RPH3A: variants seen among roughly 807,000 people sequenced by gnomAD.
RPH3A encodes the protein rabphilin-3A.
In RPH3A, 48 loss-of-function variants were observed where a neutral mutation model predicts 102.2. The ratio of observed to expected loss-of-function variants is 0.47; its 90% CI spans 0.37 to 0.60. The LOEUF (loss-of-function observed/expected upper bound fraction) is 0.60, where lower values mean the gene tolerates loss of function less well. RPH3A is among the 20% of genes least tolerant of loss of function. The pLI is 0.00. For missense variants in RPH3A, 781 were observed against 910.1 expected, an observed-to-expected ratio of 0.86 and a Z score of 1.83; for synonymous variants, 310 against 324.3, an observed-to-expected ratio of 0.96 and a Z score of 0.47.
intron 1 of RPH3A, among the ~76,000 whole-genome samples, chr12:112,666,575 A>G (rs866708174): frequency 1.2e-4 from 18 of 152,176 alleles, no homozygotes; most frequent in African/African-American, 4.1e-4. Context: ...AATAAGCGGC[A>G]GGAAGACTTT....
In RPH3A at chr12:112,898,251, G is replaced by A. The variant is rs942560628; in HGVS notation, c.*1471G>A. On this transcript the variant is annotated 3_prime_UTR_variant, in exon 22 of 22. Coordinates refer to ENST00000389385, the MANE Select transcript of RPH3A (RefSeq NM_001143854.2). ...TTATAAAGGAGGAAAAGGCAATGTGGGCAAACATTACAAATTTGAGGTTGA... is the reference window on the plus strand; with the variant it reads ...TTATAAAGGAGGAAAAGGCAATGTGAGCAAACATTACAAATTTGAGGTTGA... 2 of 152,144 alleles carry A rather than the reference G, an allele frequency of 1.3e-5. No homozygotes were observed. The highest frequency in any genetic ancestry group is 4.8e-5 in the African/African-American group (2 of 41,424). The allele number at this position is 152,144 out of a possible 1,614,324, so 9.4% of individuals were successfully genotyped here. A position where few individuals can be genotyped will look rare whatever the true frequency, so the allele number is the denominator to read the frequency against.
intron 2 of RPH3A, among the ~76,000 whole-genome samples, chr12:112,819,503 T>A (rs1455371333): frequency 6.6e-6 from 1 of 152,224 alleles, no homozygotes; most frequent in Non-Finnish European, 1.5e-5. Flanking sequence ...ATCCCAGTGC[T>A]CTGGGTCTGA....
chr12:112,772,805 G>A (rs1592990898), intron 1 of RPH3A, among the ~76,000 whole-genome samples: 2 of 151,988 alleles, frequency 1.3e-5, no homozygotes, highest in East Asian at 3.9e-4. Context: ...TTCTTTAGTG[G>A]TGATTTGTGA....
At chr12:112,776,553 G>A (rs1480297982) in intron 1 of RPH3A, among the ~76,000 whole-genome samples, 1 of 151,602 alleles carries the variant, frequency 6.6e-6, no homozygotes, top group Non-Finnish European at 1.5e-5. Context: ...GCAGGGATGA[G>A]AGAGAGAGAG....
At chr12:112,798,558 G>T (rs769600153) in intron 2 of RPH3A, among the ~76,000 whole-genome samples, 4 of 152,224 alleles carry the variant, frequency 2.6e-5, no homozygotes, top group Non-Finnish European at 5.9e-5. Flanking sequence ...AGAGAAGAGA[G>T]ATGGTTTCTC....
chr12:112,720,124 T>C (rs1644961269), intron 1 of RPH3A, among the ~76,000 whole-genome samples: 1 of 152,242 alleles, frequency 6.6e-6, no homozygotes, highest in African/African-American at 2.4e-5. Flanking sequence ...AAGTTTGAGA[T>C]TGACAACTGT....
At chr12:112,695,096 G>A (rs74647838) in intron 1 of RPH3A, 3,772 of 170,458 alleles carry the variant, frequency 0.022, 160 homozygotes, top group African/African-American at 0.085. Context: ...GCATAAGTAT[G>A]TCCCAAATAT....
chr12:112,824,070 C>T (rs908228849), intron 2 of RPH3A, among the ~76,000 whole-genome samples: 1 of 152,164 alleles, frequency 6.6e-6, no homozygotes, highest in African/African-American at 2.4e-5. Context: ...CATTCTTGTA[C>T]TAGTGATGGA....
intron 1 of RPH3A, among the ~76,000 whole-genome samples, chr12:112,582,307 G>A (rs1174869126): frequency 6.8e-6 from 1 of 147,068 alleles, no homozygotes; most frequent in African/African-American, 2.5e-5. Flanking sequence ...GTGCAGTGGT[G>A]CAATTGTAGC....
intron 1 of RPH3A, among the ~76,000 whole-genome samples, chr12:112,620,763 C>G (rs1047291125): frequency 6.6e-6 from 1 of 152,174 alleles, no homozygotes; most frequent in Non-Finnish European, 1.5e-5. Flanking sequence ...TAACTGGCCA[C>G]TCCATCCTTC....
chr12:112,879,374 C>T (rs2042866105), intron 14 of RPH3A, among the ~76,000 whole-genome samples, 176 bp downstream of exon 14: 1 of 152,238 alleles, frequency 6.6e-6, no homozygotes, highest in South Asian at 2.1e-4. Context: ...GGCCTTCCTC[C>T]TCCAGGGATC....
At chr12:112,582,459 T>A (rs1001283135) in intron 1 of RPH3A, among the ~76,000 whole-genome samples, 1 of 146,566 alleles carries the variant, frequency 6.8e-6, no homozygotes, top group Non-Finnish European at 1.5e-5. Context: ...AAATATATAT[T>A]TTTTTGAGAC....
intron 1 of RPH3A, among the ~76,000 whole-genome samples, chr12:112,720,236 T>C (rs2040541933): frequency 6.6e-6 from 1 of 152,226 alleles, no homozygotes; most frequent in South Asian, 2.1e-4. Context: ...CTTTGGAGAT[T>C]TCAGGAGGAA....
rs545053967 is a variant in RPH3A at position 112,680,602 on chromosome 12, C to T, written c.-140+105283C>T. ...CCAGCATCTCTGTACCTACCATTCCCATCCCACCACCTCTCTAGTTACTCC... is the reference window on the plus strand; with the variant it reads ...CCAGCATCTCTGTACCTACCATTCCTATCCCACCACCTCTCTAGTTACTCC... On this transcript the variant is annotated intron_variant, in intron 1 of 21. Coordinates refer to the RPH3A transcript ENST00000543106. 2.6e-4 allele frequency among the ~76,000 whole-genome samples: 40 copies of T among 152,300 alleles called. No individual in the cohort carries two copies. In the South Asian group the frequency reaches 3.9e-3, roughly 15 times the overall value.
chr12:112,879,969 A>G (rs1045500949), intron 14 of RPH3A, among the ~76,000 whole-genome samples: 2 of 152,120 alleles, frequency 1.3e-5, no homozygotes, highest in Non-Finnish European at 1.5e-5. Context: ...TCCCATAAGG[A>G]TAGTTGTGCG....
At chr12:112,770,189 C>T (rs904805407) in intron 1 of RPH3A, among the ~76,000 whole-genome samples, 4 of 152,042 alleles carry the variant, frequency 2.6e-5, no homozygotes, top group Non-Finnish European at 5.9e-5. Context: ...TTCAGTTTTT[C>T]CCTATTACAG....
chr12:112,757,985 C>T (rs990390635), intron 1 of RPH3A, among the ~76,000 whole-genome samples: 1 of 152,206 alleles, frequency 6.6e-6, no homozygotes, highest in African/African-American at 2.4e-5. Context: ...GTGGCAGCTG[C>T]TCTAGTCCCT....
chr12:112,840,376 T>C (rs1290753174), intron 4 of RPH3A, among the ~76,000 whole-genome samples: 1 of 152,222 alleles, frequency 6.6e-6, no homozygotes, highest in Non-Finnish European at 1.5e-5. Flanking sequence ...CAATAAAATA[T>C]TGTTAATTGT....
chr12:112,757,333 T>A (rs2040828441), intron 1 of RPH3A, among the ~76,000 whole-genome samples: 1 of 152,228 alleles, frequency 6.6e-6, no homozygotes, highest in Admixed American at 6.5e-5. Flanking sequence ...TCCAAGTTAG[T>A]AGCCTTCTGC....
Sources: gnomAD v4.1 joint callset for allele counts (sites outside exome capture counted in the v4.1 genomes callset) on GRCh38, gnomAD v4.1.1 for gene constraint, MANE v1.5 for transcripts, NCBI Gene and HGNC (gene_info 2026-07-23, HGNC 2026-07-21) for gene names.